KIF1A: variants seen among roughly 807,000 people sequenced by gnomAD.
The protein encoded by KIF1A is kinesin family member 1A, also known as kinesin-like protein KIF1A.
In KIF1A, 46 loss-of-function variants were observed where a neutral mutation model predicts 227.3. That is an observed-to-expected ratio of 0.20 (90% CI 0.16 to 0.26). The LOEUF (loss-of-function observed/expected upper bound fraction) is 0.26. Among genes scored for constraint, KIF1A ranks in the 10% least tolerant of loss-of-function variants. KIF1A has a pLI of 1.00. For synonymous variants in KIF1A, 1,022 were observed against 1,012.8 expected (o/e 1.01, Z -0.17); for missense variants, 1,683 against 2,485.9 (o/e 0.68, Z 6.87).
chr2:240,758,642 C>T lies in KIF1A; in HGVS notation c.2445-145G>A. 1 of 769,628 alleles carries T rather than the reference C, an allele frequency of 1.3e-6. No homozygotes were observed. The highest frequency in any genetic ancestry group is 1.9e-6 in the Non-Finnish European group (1 of 531,002). The allele number at this position is 769,628 out of a possible 1,614,324, so 47.7% of individuals were successfully genotyped here. On this transcript the variant is annotated intron_variant, in intron 25 of 48. Transcript: ENST00000498729. The surrounding 1 kb of genome is among the most constrained non-coding windows in gnomAD (Gnocchi z 5.2). ...GGGTCATCAAGGTCCAGGGGGCTTG[C>T]TAGACAGACCCCCTCTGTGACCCTT...
chr2:240,783,955 G>C (rs1199332984), intron 7 of KIF1A, 139 bp from the exon 8 acceptor site: 1 of 683,404 alleles, frequency 1.5e-6, no homozygotes, highest in African/African-American at 1.8e-5. Flanking sequence ...CCCTCCCCAG[G>C]CCCAGCAGTC....
At chr2:240,721,692 C>T (rs2045408165) in intron 44 of KIF1A, 115 bp downstream of exon 44, 2 of 855,792 alleles carry the variant, frequency 2.3e-6, no homozygotes, top group Non-Finnish European at 3.8e-6. Flanking sequence ...GAGACGTGTT[C>T]CTAGGAAACT....
At chr2:240,769,043 C>A in intron 17 of KIF1A, 90 bp downstream of exon 17, 1 of 1,179,150 alleles carries the variant, frequency 8.5e-7, no homozygotes, top group South Asian at 1.3e-5. Flanking sequence ...TCCCCTACTT[C>A]CAGGAGCCCC....
At chr2:240,762,445 G>A (rs555164006) in intron 23 of KIF1A, among the ~76,000 whole-genome samples, 43 of 152,336 alleles carry the variant, frequency 2.8e-4, no homozygotes, top group African/African-American at 7.0e-4. Context: ...GTGTGTGCAC[G>A]TGTGTACATG....
At chr2:240,748,690 TC>T in intron 28 of KIF1A, 1 of 334,220 alleles carries the variant, frequency 3.0e-6, no homozygotes, top group Admixed American at 3.9e-5. Context: ...CTGGGGCCCT[TC>T]CCTGGTGTTC....
At position 240,722,458 on chromosome 2, in the gene KIF1A, T is replaced by C; in HGVS notation, c.4663A>G (p.Lys1555Glu). The change falls in exon 43 of 49, where the codon AAG becomes GAG. Residue 1555 changes from lysine to glutamate, a missense_variant and splice_region_variant. Transcript: ENST00000498729. ...TACTGCCCACCAGCTGGACCCACCT[T>C]GACGGCCAGCTCCCGCTGCCTCTCG... ...PNERQRELAVKCLRLLTHTFN... is the reference protein window; with the variant it reads ...PNERQRELAVECLRLLTHTFN... The C allele has an allele frequency of 6.5e-7, 1 of 1,545,672 alleles. No individual in the cohort carries two copies. The highest frequency in any genetic ancestry group is 8.7e-7 in the Non-Finnish European group (1 of 1,146,620).
chr2:240,801,875 G>A (rs1205697907), intron 1 of KIF1A, among the ~76,000 whole-genome samples: 1 of 152,190 alleles, frequency 6.6e-6, no homozygotes, highest in Non-Finnish European at 1.5e-5. Context: ...CACCCTGTTT[G>A]TGATATTTTT....
rs886071015 is a variant in KIF1A, at chr2:240,769,820, G to T, written c.1342-114C>A. ...CAAAGCACAAGCGCCATATTCCTGG[G>T]CCCGACAAGGCAACGAGGCATCCAG... is the stretch of plus-strand genomic sequence containing the variant. On this transcript the variant is annotated intron_variant, in intron 15 of 48. Transcript: ENST00000498729. 5.3e-6 allele frequency: 4 copies of T among 756,220 alleles called. No homozygotes were observed. The African/African-American group carries it at 7.0e-5, about 13-fold the overall frequency. The allele number at this position is 756,220 out of a possible 1,614,324, so 46.8% of individuals were successfully genotyped here. A position where few individuals can be genotyped will look rare whatever the true frequency, so the allele number is the denominator to read the frequency against.
chr2:240,767,448 G>A, intron 17 of KIF1A, 103 bp from the exon 18 acceptor site: 5 of 950,698 alleles, frequency 5.3e-6, no homozygotes, highest in Non-Finnish European at 6.6e-6. Context: ...TACCACCAGG[G>A]TCCCTGCCCC....
At chr2:240,719,232 C>A (rs549837298) in intron 46 of KIF1A, 34 bp from the exon 47 acceptor site, 4 of 1,577,274 alleles carry the variant, frequency 2.5e-6, no homozygotes, top group Non-Finnish European at 3.5e-6. Flanking sequence ...CTGGGGCCCT[C>A]GGTGGGGGCA....
At chr2:240,767,116 T>C in intron 18 of KIF1A, 95 bp from the exon 19 acceptor site, 6 of 1,178,560 alleles carry the variant, frequency 5.1e-6, no homozygotes, top group Non-Finnish European at 7.3e-6. Context: ...CAGGATTGTT[T>C]GGGAAACACC....
At position 240,775,647 on chromosome 2, in the gene KIF1A, C is replaced by T. The variant is rs576386254; in HGVS notation, c.958+204G>A. Among the ~76,000 whole-genome samples the T allele has an allele frequency of 1.3e-5, 2 of 152,326 alleles. No homozygotes were observed. The highest frequency in any genetic ancestry group is 6.5e-5 in the Admixed American group (1 of 15,308). On this transcript the variant is annotated intron_variant, in intron 11 of 48. Transcript: ENST00000498729. The surrounding 1 kb of genome is among the most constrained non-coding windows in gnomAD (Gnocchi z 5.5). ...CCTGGGCTGTCCTGGTTCCCACACT[C>T]GCTTCGTTAACCCACTGCTGGCCGT...
rs374244985 is a variant in KIF1A at position 240,741,338 on chromosome 2, G to A, written c.3680C>T (p.Pro1227Leu). Residue 1227 changes from proline (P) to leucine (L), a missense_variant, in exon 35 of 49, where the codon CCG becomes CTG. Physicochemically the swap from Pro to Leu is moderately conservative, Grantham distance 98. Transcript: ENST00000498729. ...GTCGTACTTGCAGTGGCAGGGTCCC[G>A]GACAGGGCCGCGTCAGTGTGCTGAG... ...TKLSTLTRPCPGPCHCKYDLL... is the reference protein window; with the variant it reads ...TKLSTLTRPCLGPCHCKYDLL... 1.2e-4 allele frequency: 196 copies of A among 1,593,606 alleles called. 1 individual carries two copies. Among genetic ancestry groups the A allele is most frequent in the East Asian group, 3.8e-4 (17 of 44,224 alleles).
At chr2:240,743,027 G>A (rs2048175780) in intron 33 of KIF1A, 43 bp from the exon 34 acceptor site, 2 of 1,528,188 alleles carry the variant, frequency 1.3e-6, no homozygotes, top group East Asian at 2.3e-5. Context: ...GGGACCCTGG[G>A]CGGGAGGGGT....
At chr2:240,811,457 G>T (rs1200756985) in intron 1 of KIF1A, among the ~76,000 whole-genome samples, 1 of 152,248 alleles carries the variant, frequency 6.6e-6, no homozygotes, top group Non-Finnish European at 1.5e-5. Context: ...TGGCCCCAAG[G>T]GTGGCCAGAG....
chr2:240,802,766 G>C (rs1328549777), intron 1 of KIF1A, among the ~76,000 whole-genome samples: 1 of 152,038 alleles, frequency 6.6e-6, no homozygotes, highest in African/African-American at 2.4e-5. Context: ...TGAGGAGCTG[G>C]GACTATGGGC....
In KIF1A at chr2:240,792,436, C is replaced by T. The variant is rs947395596; in HGVS notation, c.107-3124G>A. On this transcript the variant is annotated intron_variant, in intron 2 of 48. Transcript: ENST00000498729. This position sits in a 1 kb window ranked among gnomAD's most constrained non-coding sequence, Gnocchi z 4.5. The stretch of plus-strand genomic sequence containing the variant: ...CCCCAGAGCTGGGCCCCTCCAAGGC[C>T]GGCGAGGTGCCCAGTATCAGGCAGC... Among the ~76,000 whole-genome samples, 10 of 152,196 alleles carry T rather than the reference C, an allele frequency of 6.6e-5. No homozygotes were observed. Among genetic ancestry groups the T allele is most frequent in the African/African-American group, 1.2e-4 (5 of 41,542 alleles).
At position 240,788,253 on chromosome 2, in the gene KIF1A, A is replaced by T; in HGVS notation, c.184-23T>A. 1 of 1,611,430 alleles carries T rather than the reference A, an allele frequency of 6.2e-7. No individual in the cohort carries two copies. Among genetic ancestry groups the T allele is most frequent in the Non-Finnish European group, 8.5e-7 (1 of 1,178,640 alleles). ...AGGCTGGAGGACGAGGAAGGAATGA[A>T]GTTGCAGGAGGCTGGGTGCATCCGA... On this transcript the variant is annotated intron_variant, in intron 3 of 48. Coordinates refer to ENST00000498729, the MANE Select transcript of KIF1A (RefSeq NM_001244008.2). The surrounding 1 kb of genome is among the most constrained non-coding windows in gnomAD (Gnocchi z 6.6).
At chr2:240,773,008 C>T (rs922868997) in intron 13 of KIF1A, 106 bp downstream of exon 13, 4 of 1,247,574 alleles carry the variant, frequency 3.2e-6, no homozygotes, top group Admixed American at 2.3e-5. Context: ...GCCCAGGGTG[C>T]AGCCAGCAAA....
Sources: allele counts gnomAD v4.1 joint callset (sites outside exome capture counted in the v4.1 genomes callset), GRCh38; gene constraint gnomAD v4.1.1; non-coding constraint Gnocchi (gnomAD v3.1); transcripts MANE v1.5; gene names NCBI Gene and HGNC (gene_info 2026-07-23, HGNC 2026-07-21).